Variants in PRRC2B observed in about 807,000 individuals in gnomAD.
PRRC2B encodes proline rich coiled-coil 2B.
In PRRC2B, 68 loss-of-function variants were observed where a neutral mutation model predicts 242.3. The ratio of observed to expected loss-of-function variants is 0.28; its 90% CI spans 0.23 to 0.34. PRRC2B has a LOEUF of 0.34. Ranked by LOEUF, PRRC2B falls within the 10% of genes least tolerant of loss-of-function variation. PRRC2B has a pLI of 1.00. For missense variants in PRRC2B, 2,835 were observed against 2,954.8 expected (o/e 0.96, Z 0.94); for synonymous variants, 1,228 against 1,173.6 (o/e 1.05, Z -0.95).
At chr9:131,493,330 C>T (rs1234343942) in intron 30 of PRRC2B, among the ~76,000 whole-genome samples, 2 of 152,224 alleles carry the variant, frequency 1.3e-5, no homozygotes, top group Non-Finnish European at 2.9e-5. Context: ...ATGTCTGTCA[C>T]ATAGACCAAA....
rs991191390 is a variant in PRRC2B, at chr9:131,386,382, C to T, written c.-56+12651C>T. On this transcript the variant is annotated intron_variant, in intron 1 of 1. Coordinates refer to the PRRC2B transcript ENST00000682525. ...TTTTCCTGCCTTGGCCTCCCAGAGT[C>T]CCGTGATTATAGGTGTGAGCCACTG... is the stretch of plus-strand genomic sequence containing the variant. Among the ~76,000 whole-genome samples the T allele has an allele frequency of 2.7e-5, 4 of 150,410 alleles. 1 individual carries two copies. Among genetic ancestry groups the T allele is most frequent in the Middle Eastern group, 6.8e-3 (2 of 292 alleles).
intron 1 of PRRC2B, among the ~76,000 whole-genome samples, chr9:131,410,528 G>A (rs1029858171): frequency 1.3e-5 from 2 of 152,182 alleles, no homozygotes; most frequent in Non-Finnish European, 2.9e-5. Flanking sequence ...CACTGCCCAA[G>A]TAAGTCTGGA....
At chr9:131,420,290 C>G (rs1279588850) in intron 1 of PRRC2B, among the ~76,000 whole-genome samples, 1 of 151,616 alleles carries the variant, frequency 6.6e-6, no homozygotes, top group Non-Finnish European at 1.5e-5. Context: ...GGGACCTCAC[C>G]CATTTGGGCT....
Position 131,447,745 on chromosome 9 carries a change from A to G in PRRC2B, c.1061A>G (p.Asn354Ser), listed in dbSNP as rs368879490. Residue 354 changes from asparagine (N) to serine (S), a missense_variant, in exon 9 of 32, where the codon AAT (asparagine) becomes AGT (serine). Transcript: ENST00000683519. ...CGGGCACCACGGCCCACCATTATCA[A>G]TGCGGAAAACCTGAAGGGCCTTGAC... The part of the protein sequence containing the change: ...VERAPRPTII[N>S]AENLKGLDDL... 18 of 1,613,856 alleles carry G rather than the reference A, an allele frequency of 1.1e-5. No homozygotes were observed. The highest frequency in any genetic ancestry group is 1.7e-5 in the Admixed American group (1 of 60,026).
chr9:131,415,070 G>A (rs1453827432), intron 1 of PRRC2B, among the ~76,000 whole-genome samples: 4 of 152,018 alleles, frequency 2.6e-5, no homozygotes, highest in Non-Finnish European at 5.9e-5. Flanking sequence ...TCGGTTCACT[G>A]TAACCTCTGC....
intron 1 of PRRC2B, among the ~76,000 whole-genome samples, chr9:131,381,173 G>A (rs1410025778): frequency 6.6e-6 from 1 of 151,976 alleles, no homozygotes; most frequent in Admixed American, 6.6e-5. Flanking sequence ...TGTCTTCCTG[G>A]GTCTCCATGT....
At chr9:131,441,239 AG>A (rs1490170994) in intron 5 of PRRC2B, among the ~76,000 whole-genome samples, 1 of 152,242 alleles carries the variant, frequency 6.6e-6, no homozygotes, top group Non-Finnish European at 1.5e-5. Flanking sequence ...GAAAACTGCC[AG>A]TTTTTTTGAG....
intron 1 of PRRC2B, among the ~76,000 whole-genome samples, chr9:131,406,077 T>G (rs1199620022): frequency 6.6e-6 from 1 of 152,132 alleles, no homozygotes; most frequent in Admixed American, 6.5e-5. Flanking sequence ...TAATGGTTCC[T>G]GGATTCAGCC....
chr9:131,450,476 A>G (rs1942877993), intron 9 of PRRC2B, among the ~76,000 whole-genome samples: 2 of 152,158 alleles, frequency 1.3e-5, no homozygotes, highest in Non-Finnish European at 2.9e-5. Flanking sequence ...CATGTTGGCC[A>G]GGCTGGTCTC....
At chr9:131,444,861 G>A (rs1838741241) in intron 6 of PRRC2B, among the ~76,000 whole-genome samples, 1 of 152,204 alleles carries the variant, frequency 6.6e-6, no homozygotes, top group South Asian at 2.1e-4. Context: ...GCAGGATTGT[G>A]TAGCACTGGC....
rs914606150 is a variant in PRRC2B at position 131,498,042 on chromosome 9, G to T, written c.*2168G>T. ...TCCCACCTGATGCGGTGGTGCGTGT[G>T]ATTTGTCAAAAGAAAGCCTTCTGGA... is the stretch of plus-strand genomic sequence containing the variant. On this transcript the variant is annotated 3_prime_UTR_variant, in exon 32 of 32. Coordinates refer to ENST00000683519, the MANE Select transcript of PRRC2B (RefSeq NM_013318.4). 3.9e-5 allele frequency: 6 copies of T among 152,134 alleles called. No homozygotes were observed. The highest frequency in any genetic ancestry group is 8.8e-5 in the Non-Finnish European group (6 of 68,038). 9.4% of individuals were successfully genotyped at this position (152,134 alleles called of 1,614,324 possible).
At chr9:131,486,445 G>C (rs1337003617) in intron 26 of PRRC2B, 14 of 977,516 alleles carry the variant, frequency 1.4e-5, no homozygotes, top group Non-Finnish European at 4.9e-6. Flanking sequence ...TCCTAGCCGG[G>C]GAATTAGCTA....
intron 2 of PRRC2B, among the ~76,000 whole-genome samples, chr9:131,430,733 C>T (rs1389599938): frequency 6.6e-6 from 1 of 151,884 alleles, no homozygotes; most frequent in Non-Finnish European, 1.5e-5. Context: ...GCAAGGATTA[C>T]AGATGTGTGC....
In PRRC2B at chr9:131,478,518, G is replaced by A; in HGVS notation, c.4657G>A (p.Glu1553Lys). The A allele has an allele frequency of 6.2e-7, 1 of 1,613,610 alleles. No individual in the cohort carries two copies. Residue 1553 changes from glutamate (E) to lysine (K), a missense_variant, in exon 18 of 32, where the codon GAG (glutamate) becomes AAG (lysine). Glu to Lys is a moderately conservative substitution (Grantham distance 56). Transcript: ENST00000683519. ...CGGGTCCAGCCCCGGGGAGGAGAGT[G>A]AGGTGGGTTCTATGGTGGGCGAAGG... ...NCGSSPGEES[E>K]VGSMVGEGFI...
At chr9:131,402,020 G>T (rs1369173593) in intron 1 of PRRC2B, among the ~76,000 whole-genome samples, 2 of 151,576 alleles carry the variant, frequency 1.3e-5, no homozygotes, top group African/African-American at 4.9e-5. Flanking sequence ...TCCCAGGCTG[G>T]AGTGCAATGG....
At chr9:131,481,702 G>A in intron 19 of PRRC2B, 24 bp from the exon 20 acceptor site, 1 of 1,547,360 alleles carries the variant, frequency 6.5e-7, no homozygotes, top group Non-Finnish European at 8.7e-7. Flanking sequence ...TTGATGCCCT[G>A]ACTCTGTCTT....
chr9:131,464,863 C>G lies in PRRC2B; in HGVS notation c.1505C>G (p.Ala502Gly). The change falls in exon 12 of 32, where the codon GCG becomes GGG. Residue 502 changes from alanine to glycine, a missense_variant. Coordinates refer to ENST00000683519, the MANE Select transcript of PRRC2B (RefSeq NM_013318.4). ...QKFIQSEMSE[A>G]VERARKRREE... ...TTCATTCAGTCAGAGATGTCCGAGG[C>G]GGTGGAGCGAGCCCGAAAGCGCCGG... The G allele has an allele frequency of 6.2e-7, 1 of 1,613,786 alleles. No individual in the cohort carries two copies. The highest frequency in any genetic ancestry group is 8.5e-7 in the Non-Finnish European group (1 of 1,179,824).
chr9:131,439,911 T>C (rs1232427806), intron 5 of PRRC2B, among the ~76,000 whole-genome samples: 1 of 152,038 alleles, frequency 6.6e-6, no homozygotes, highest in Non-Finnish European at 1.5e-5. Flanking sequence ...TTTTTTTTTT[T>C]TTTCTTTCCA....
intron 9 of PRRC2B, among the ~76,000 whole-genome samples, chr9:131,451,516 T>TA (rs1247016638): frequency 2.6e-5 from 4 of 152,256 alleles, no homozygotes; most frequent in Non-Finnish European, 4.4e-5. Flanking sequence ...CATAAACCCT[T>TA]ATGTAGTTTG....
Sources: allele counts gnomAD v4.1 joint callset (sites outside exome capture counted in the v4.1 genomes callset), GRCh38; gene constraint gnomAD v4.1.1; transcripts MANE v1.5; gene names NCBI Gene and HGNC (gene_info 2026-07-23, HGNC 2026-07-21).